CDH13: variants seen among roughly 807,000 people sequenced by gnomAD.
The protein encoded by CDH13 is cadherin 13, also known as cadherin-13.
CDH13 carries 24 observed loss-of-function variants against 63.8 expected under a neutral mutation model. The observed-to-expected ratio is 0.38, with a 90% confidence interval of 0.27 to 0.53. CDH13 has a LOEUF of 0.53. Among genes scored for constraint, CDH13 ranks in the 20% least tolerant of loss-of-function variants. The pLI is 0.85. For synonymous variants in CDH13, 503 were observed against 355.3 expected (o/e 1.42, Z -4.67); for missense variants, 1,049 against 903.1 (o/e 1.16, Z -2.07).
At chr16:82,946,330 T>C (rs1904712901) in intron 2 of CDH13, among the ~76,000 whole-genome samples, 1 of 152,056 alleles carries the variant, frequency 6.6e-6, no homozygotes, top group South Asian at 2.1e-4. Context: ...AAAATGTAAG[T>C]TCTAACATAA....
At chr16:83,437,969 C>G (rs1598019827) in intron 6 of CDH13, among the ~76,000 whole-genome samples, 1 of 152,288 alleles carries the variant, frequency 6.6e-6, no homozygotes, top group Admixed American at 6.5e-5. Flanking sequence ...CATCCATCCT[C>G]CTGGCCACTC....
At chr16:83,078,414 C>T (rs986427600) in intron 3 of CDH13, among the ~76,000 whole-genome samples, 3 of 152,168 alleles carry the variant, frequency 2.0e-5, no homozygotes, top group Admixed American at 1.3e-4. Context: ...TCATAAGGAA[C>T]GTGCGACCTA....
intron 7 of CDH13, among the ~76,000 whole-genome samples, chr16:83,589,744 A>T (rs1252995938): frequency 6.6e-6 from 1 of 152,118 alleles, no homozygotes; most frequent in East Asian, 1.9e-4. Context: ...AAATTGCTAT[A>T]CAGTGTCATT....
rs115960231 is a variant in CDH13, at chr16:83,771,932, C to G, written c.1682-8036C>G. ...CATGATGGAATTGCCAACCTTGTAA[C>G]CAAAACACATGTCTTTCTAATAAGA... On this transcript the variant is annotated intron_variant, in intron 11 of 13. Transcript: ENST00000567109. Among the ~76,000 whole-genome samples, 1,049 of 152,228 alleles carry G rather than the reference C, an allele frequency of 6.9e-3. 11 individuals carry two copies. Among genetic ancestry groups the G allele is most frequent in the African/African-American group, 0.024 (1,014 of 41,534 alleles).
chr16:83,174,510 T>G (rs2038046469), intron 4 of CDH13, among the ~76,000 whole-genome samples: 1 of 152,056 alleles, frequency 6.6e-6, no homozygotes, highest in Non-Finnish European at 1.5e-5. Context: ...TTACACTTCA[T>G]GACCATAAAG....
chr16:83,405,319 A>G (rs2092025918), intron 6 of CDH13, among the ~76,000 whole-genome samples: 1 of 152,178 alleles, frequency 6.6e-6, no homozygotes, highest in African/African-American at 2.4e-5. Flanking sequence ...GTTAGCTTAG[A>G]TTGCAAAAGG....
At chr16:83,490,869 G>A (rs1387372) in intron 7 of CDH13, among the ~76,000 whole-genome samples, 1 of 152,064 alleles carries the variant, frequency 6.6e-6, no homozygotes, top group East Asian at 1.9e-4. Context: ...TTACTTGTTC[G>A]GAAAACCCTA....
At chr16:82,935,713 G>A (rs1313131211) in intron 2 of CDH13, among the ~76,000 whole-genome samples, 1 of 152,146 alleles carries the variant, frequency 6.6e-6, no homozygotes, top group Non-Finnish European at 1.5e-5. Flanking sequence ...CCTCCTGTCA[G>A]ATTGGTAGTG....
intron 5 of CDH13, among the ~76,000 whole-genome samples, chr16:83,221,087 T>A (rs1194013406): frequency 6.6e-6 from 1 of 152,218 alleles, no homozygotes; most frequent in Non-Finnish European, 1.5e-5. Context: ...GGGATCCATA[T>A]CCATTTCTTT....
At chr16:83,575,779 C>A (rs1171474939) in intron 7 of CDH13, among the ~76,000 whole-genome samples, 1 of 152,176 alleles carries the variant, frequency 6.6e-6, no homozygotes, top group African/African-American at 2.4e-5. Context: ...ATCATTTCAC[C>A]ATTAGAATTT....
chr16:82,844,768 T>C, intron 1 of CDH13: 1 of 146,786 alleles, frequency 6.8e-6, no homozygotes, highest in Non-Finnish European at 1.5e-5. Context: ...GCCTCCTGAG[T>C]ATCTGGGACT....
At chr16:82,822,323 C>G (rs981149336) in intron 1 of CDH13, among the ~76,000 whole-genome samples, 10 of 152,046 alleles carry the variant, frequency 6.6e-5, no homozygotes, top group Admixed American at 2.0e-4. Context: ...GGGCTATAGG[C>G]TATTTGGGAT....
intron 6 of CDH13, among the ~76,000 whole-genome samples, chr16:83,412,888 G>GTT (rs919354463): frequency 2.6e-5 from 4 of 152,300 alleles, no homozygotes; most frequent in African/African-American, 9.6e-5. Context: ...TCAAAAGGGG[G>GTT]TTTATTTCAT....
At chr16:83,762,995 A>G (rs1914097523) in intron 11 of CDH13, among the ~76,000 whole-genome samples, 1 of 152,192 alleles carries the variant, frequency 6.6e-6, no homozygotes, top group South Asian at 2.1e-4. Context: ...AATAGTTTGA[A>G]CCTGGCAGCC....
intron 10 of CDH13, among the ~76,000 whole-genome samples, chr16:83,720,264 C>T (rs1909512186): frequency 6.6e-6 from 1 of 152,052 alleles, no homozygotes; most frequent in South Asian, 2.1e-4. Context: ...TCACACACCA[C>T]TCCCACATCT....
intron 4 of CDH13, among the ~76,000 whole-genome samples, chr16:83,190,717 T>C (rs1395831395): frequency 1.3e-5 from 2 of 152,200 alleles, no homozygotes; most frequent in East Asian, 3.9e-4. Context: ...GAGTTATTTT[T>C]CCAAGGCAGT....
chr16:83,570,735 C>T (rs1026091428), intron 7 of CDH13, among the ~76,000 whole-genome samples: 1 of 136,696 alleles, frequency 7.3e-6, no homozygotes, highest in Non-Finnish European at 1.6e-5. Flanking sequence ...TATATATTTT[C>T]TATATATTTT....
chr16:83,109,708 C>T (rs1238466668), intron 3 of CDH13, among the ~76,000 whole-genome samples: 1 of 152,118 alleles, frequency 6.6e-6, no homozygotes, highest in Non-Finnish European at 1.5e-5. Flanking sequence ...AAACAAGCCC[C>T]ACCTGTAGAG....
At chr16:82,649,898 T>C (rs1378736624) in intron 1 of CDH13, among the ~76,000 whole-genome samples, 1 of 152,102 alleles carries the variant, frequency 6.6e-6, no homozygotes. Context: ...TATCCTGGGG[T>C]TCCTGAGAGG....
Sources: gnomAD v4.1 joint callset for allele counts (sites outside exome capture counted in the v4.1 genomes callset) on GRCh38, gnomAD v4.1.1 for gene constraint, MANE v1.5 for transcripts, NCBI Gene and HGNC (gene_info 2026-07-23, HGNC 2026-07-21) for gene names.